The following PARD3 variants were observed in gnomAD, a reference collection of about 807,000 sequenced individuals.
The protein encoded by PARD3 is par-3 family cell polarity regulator, also known as partitioning defective 3 homolog.
In PARD3, 75 loss-of-function variants were observed where a neutral mutation model predicts 155.4. The ratio of observed to expected loss-of-function variants is 0.48; its 90% CI spans 0.40 to 0.58. The LOEUF (loss-of-function observed/expected upper bound fraction) is 0.58, where lower values mean the gene tolerates loss of function less well. PARD3 is among the 20% of genes least tolerant of loss of function. The probability of loss-of-function intolerance (pLI) is 0.00; values close to 1 mark genes in which losing one functional copy is unlikely to be tolerated. For synonymous variants in PARD3, 576 were observed against 610.5 expected (o/e 0.94, Z 0.83); for missense variants, 1,642 against 1,721.7 (o/e 0.95, Z 0.82).
intron 1 of PARD3, among the ~76,000 whole-genome samples, chr10:34,700,146 CA>C (rs2094247525): frequency 6.6e-6 from 1 of 152,126 alleles, no homozygotes; most frequent in Non-Finnish European, 1.5e-5. Context: ...GATGATCAAG[CA>C]GTGAATGTCC....
intron 7 of PARD3, among the ~76,000 whole-genome samples, chr10:34,393,479 GC>G (rs1297936921): frequency 6.6e-6 from 1 of 151,956 alleles, no homozygotes; most frequent in East Asian, 1.9e-4. Context: ...TGCTTGGGAG[GC>G]TGAGGTGGAA....
chr10:34,684,202 G>C (rs139358349), intron 2 of PARD3, among the ~76,000 whole-genome samples: 1 of 152,260 alleles, frequency 6.6e-6, no homozygotes, highest in East Asian at 1.9e-4. Context: ...GTAGAATATG[G>C]AGTGGACAGT....
chr10:34,226,115 G>A (rs918090619), intron 22 of PARD3, among the ~76,000 whole-genome samples: 1 of 152,102 alleles, frequency 6.6e-6, no homozygotes, highest in Non-Finnish European at 1.5e-5. Flanking sequence ...TAAAAACGGA[G>A]GCAAAAGATA....
At chr10:34,718,980 T>A (rs926319412) in intron 1 of PARD3, among the ~76,000 whole-genome samples, 4 of 151,908 alleles carry the variant, frequency 2.6e-5, no homozygotes, top group Non-Finnish European at 4.4e-5. Context: ...AAATAAAAAA[T>A]AAATTTTAAA....
chr10:34,701,282 CTT>C (rs2094271433), intron 1 of PARD3, among the ~76,000 whole-genome samples: 2 of 152,024 alleles, frequency 1.3e-5, no homozygotes, highest in South Asian at 4.1e-4. Context: ...AAAAGACACA[CTT>C]ATTTTTATTT....
intron 1 of PARD3, among the ~76,000 whole-genome samples, chr10:34,807,483 C>T (rs189937820): frequency 1.0e-3 from 155 of 152,224 alleles, no homozygotes; most frequent in African/African-American, 3.4e-3. Flanking sequence ...TTCATCATCC[C>T]AAAAGGAAAC....
At chr10:34,255,007 C>T (rs1954580335) in intron 22 of PARD3, among the ~76,000 whole-genome samples, 1 of 152,128 alleles carries the variant, frequency 6.6e-6, no homozygotes, top group Non-Finnish European at 1.5e-5. Context: ...AAGTCTGTAA[C>T]CTCAATCAGC....
intron 1 of PARD3, among the ~76,000 whole-genome samples, chr10:34,705,519 T>A (rs2094350392): frequency 6.6e-6 from 1 of 150,970 alleles, no homozygotes; most frequent in Non-Finnish European, 1.5e-5. Flanking sequence ...TCTTTTCCAA[T>A]AAACTGAAAC....
intron 2 of PARD3, among the ~76,000 whole-genome samples, chr10:34,627,308 A>C (rs1392127141): frequency 6.6e-6 from 1 of 152,220 alleles, no homozygotes; most frequent in African/African-American, 2.4e-5. Context: ...GATTACAGGC[A>C]TGAGCCACCG....
Position 34,346,590 on chromosome 10 carries a change from C to G in PARD3, c.2218+1375G>C, listed in dbSNP as rs1005503636. Reference sequence around the variant, plus strand: ...ACAAAGATAAAGATTTATACCAAAGCCAAGAAAGTACAGAAAATCCAACAG... The same window carrying G: ...ACAAAGATAAAGATTTATACCAAAGGCAAGAAAGTACAGAAAATCCAACAG... On this transcript the variant is annotated intron_variant, in intron 15 of 24. Transcript: ENST00000374788. 8 of 1,053,536 alleles carry G rather than the reference C, an allele frequency of 7.6e-6. No individual in the cohort carries two copies. In the Admixed American group the frequency reaches 2.2e-4, roughly 29 times the overall value. The allele number at this position is 1,053,536 out of a possible 1,614,324, so 65.3% of individuals were successfully genotyped here. A position where few individuals can be genotyped will look rare whatever the true frequency, so the allele number is the denominator to read the frequency against.
chr10:34,695,950 T>C (rs2094163019), intron 2 of PARD3, among the ~76,000 whole-genome samples: 1 of 152,186 alleles, frequency 6.6e-6, no homozygotes, highest in African/African-American at 2.4e-5. Flanking sequence ...GAATGCAGAA[T>C]GGCTGCATGT....
At chr10:34,600,613 A>G (rs549017612) in intron 2 of PARD3, among the ~76,000 whole-genome samples, 3 of 152,320 alleles carry the variant, frequency 2.0e-5, no homozygotes, top group Admixed American at 6.5e-5. Flanking sequence ...AGATACAGGC[A>G]CTAAGGAACA....
chr10:34,668,892 G>A lies in PARD3; in HGVS notation c.222+27426C>T, dbSNP rs572377961. ...ACCTTCTCAAAGCAAAGATAGATTG[G>A]GTATTAATTCATTTCCATTCCATTC... is the stretch of plus-strand genomic sequence containing the variant. On this transcript the variant is annotated intron_variant, in intron 2 of 24. Coordinates refer to ENST00000374788, the MANE Select transcript of PARD3 (RefSeq NM_001184785.2). Among the ~76,000 whole-genome samples, 5 of 151,998 alleles carry A rather than the reference G, an allele frequency of 3.3e-5. No individual in the cohort carries two copies. The South Asian group carries it at 8.3e-4, about 25-fold the overall frequency.
intron 2 of PARD3, among the ~76,000 whole-genome samples, chr10:34,627,918 C>G (rs1590297059): frequency 6.6e-6 from 1 of 152,022 alleles, no homozygotes; most frequent in East Asian, 1.9e-4. Context: ...CACAGGTTGC[C>G]TCATCAGCTT....
intron 5 of PARD3, among the ~76,000 whole-genome samples, chr10:34,411,328 A>G (rs2064788987): frequency 6.6e-6 from 1 of 152,234 alleles, no homozygotes; most frequent in Admixed American, 6.5e-5. Context: ...GTCCCATGAC[A>G]TCCAGACATT....
intron 1 of PARD3, among the ~76,000 whole-genome samples, chr10:34,702,528 G>C (rs759460286): frequency 3.3e-5 from 5 of 152,152 alleles, no homozygotes; most frequent in Non-Finnish European, 7.4e-5. Flanking sequence ...CAGACAGCAG[G>C]TCTGGACTGA....
intron 2 of PARD3, among the ~76,000 whole-genome samples, chr10:34,567,993 A>G (rs1023364957): frequency 3.3e-5 from 5 of 150,872 alleles, no homozygotes; most frequent in Admixed American, 3.3e-4. Flanking sequence ...ATGACTGCTC[A>G]TGGGCAGGTT....
intron 2 of PARD3, among the ~76,000 whole-genome samples, chr10:34,528,622 T>G (rs1424037265): frequency 6.6e-6 from 1 of 152,226 alleles, no homozygotes; most frequent in Non-Finnish European, 1.5e-5. Context: ...TAGCAAGTTT[T>G]TAAGAAATGT....
intron 5 of PARD3, among the ~76,000 whole-genome samples, chr10:34,403,720 C>T (rs1342577108): frequency 6.6e-6 from 1 of 152,100 alleles, no homozygotes; most frequent in East Asian, 1.9e-4. Flanking sequence ...TAAGCACCAG[C>T]ACATAATACA....
Sources: gnomAD v4.1 joint callset for allele counts (sites outside exome capture counted in the v4.1 genomes callset) on GRCh38, gnomAD v4.1.1 for gene constraint, MANE v1.5 for transcripts, NCBI Gene and HGNC (gene_info 2026-07-23, HGNC 2026-07-21) for gene names.